Variants in PSMD11 observed in about 807,000 individuals in gnomAD.
PSMD11 encodes the protein proteasome 26S subunit, non-ATPase 11.
In PSMD11, 5 loss-of-function variants were observed where a neutral mutation model predicts 62.3. The observed-to-expected ratio is 0.08, with a 90% CI of 0.04 to 0.17. PSMD11 has a LOEUF of 0.17. Among genes scored for constraint, PSMD11 ranks in the 10% least tolerant of loss-of-function variants. The pLI is 1.00. For synonymous variants in PSMD11, 191 were observed against 191.8 expected, an observed-to-expected ratio of 1.00 and a Z score of 0.03; for missense variants, 310 against 512.9, an observed-to-expected ratio of 0.60 and a Z score of 3.82.
chr17:32,459,115 C>CATATATATAT (rs10595066), intron 3 of PSMD11, among the ~76,000 whole-genome samples: 2,667 of 111,730 alleles, frequency 0.024, 41 homozygotes, highest in South Asian at 0.039. Flanking sequence ...AAAAAAAATA[C>CATATATATAT]ATATATATAT....
At chr17:32,447,541 T>C (rs1169054451) in intron 2 of PSMD11, among the ~76,000 whole-genome samples, 1 of 152,186 alleles carries the variant, frequency 6.6e-6, no homozygotes, top group African/African-American at 2.4e-5. Context: ...GTGCACATCA[T>C]TGCTCAAACA....
intron 3 of PSMD11, 58 bp downstream of exon 3, chr17:32,454,677 A>G (rs1907599564): frequency 3.2e-6 from 5 of 1,573,558 alleles, no homozygotes; most frequent in Non-Finnish European, 4.3e-6. Context: ...TTTCCAAGAA[A>G]GAAATGCCTA....
intron 3 of PSMD11, among the ~76,000 whole-genome samples, chr17:32,457,719 T>A (rs1373902132): frequency 6.6e-6 from 1 of 151,990 alleles, no homozygotes; most frequent in Non-Finnish European, 1.5e-5. Flanking sequence ...AACCTCAACA[T>A]CCAGCCATTT....
chr17:32,447,082 A>G, intron 2 of PSMD11, 36 bp downstream of exon 2: 1 of 1,478,312 alleles, frequency 6.8e-7, no homozygotes, highest in East Asian at 2.4e-5. Context: ...TGAAATGCTC[A>G]GTGAAATTCC....
intron 1 of PSMD11, among the ~76,000 whole-genome samples, chr17:32,446,378 G>C (rs374552503): frequency 6.6e-6 from 1 of 152,214 alleles, no homozygotes; most frequent in South Asian, 2.1e-4. Context: ...GTGTAGCTGT[G>C]CAGGATCTGG....
At chr17:32,459,757 C>G (rs376867194) in intron 3 of PSMD11, among the ~76,000 whole-genome samples, 1 of 152,066 alleles carries the variant, frequency 6.6e-6, no homozygotes, top group East Asian at 1.9e-4. Flanking sequence ...CTTCTGCCTC[C>G]CGGGTTCAAG....
rs528518203 is a variant in PSMD11 at position 32,452,544 on chromosome 17, TCA to T, written c.194-1948_194-1947del. The stretch of plus-strand genomic sequence containing the variant: ...TACAGTTAGAAGACAGAATTAAAAT[TCA>T]CAGTTATTGCCAAAGCCAGGAAGAT... On this transcript the variant is annotated intron_variant, in intron 2 of 13. Coordinates refer to ENST00000261712, the MANE Select transcript of PSMD11 (RefSeq NM_002815.4). Among the ~76,000 whole-genome samples, 221 of 152,324 alleles carry T rather than the reference TCA, an allele frequency of 1.5e-3. 2 individuals carry two copies. The highest frequency in any genetic ancestry group is 5.2e-3 in the African/African-American group (217 of 41,584).
Position 32,447,040 on chromosome 17 carries a change from G to T in PSMD11, c.187G>T (p.Ala63Ser), listed in dbSNP as rs779333737. Residue 63 changes from alanine to serine, a missense_variant, in exon 2 of 14, where the codon GCT becomes TCT. By Grantham distance (99) the Ala-to-Ser change is moderately conservative. This residue lies in a region of PSMD11 where 50 missense variants were observed against 94.4 expected (regional missense o/e 0.53). Transcript: ENST00000261712. ...LGSLLAKTGQ[A>S]AELGGLLKYV... is the part of the protein sequence containing the mutation. ...ATCTCTCCTGGCAAAGACTGGACAA[G>T]CTGCAGGTAAGTGCTACACATGGAT... The T allele has an allele frequency of 6.2e-7, 1 of 1,604,550 alleles. No individual in the cohort carries two copies. Among genetic ancestry groups the T allele is most frequent in the Non-Finnish European group, 8.5e-7 (1 of 1,173,024 alleles).
intron 2 of PSMD11, among the ~76,000 whole-genome samples, chr17:32,449,402 C>T (rs1424643217): frequency 2.6e-5 from 4 of 152,218 alleles, no homozygotes; most frequent in Admixed American, 2.0e-4. Context: ...AAGACCCTGT[C>T]TCAAAAAAAG....
At chr17:32,478,208 G>A (rs151209950) in intron 9 of PSMD11, among the ~76,000 whole-genome samples, 17 of 152,312 alleles carry the variant, frequency 1.1e-4, no homozygotes, top group African/African-American at 2.9e-4. Context: ...TCTCCTTTTA[G>A]TCTGAGTATA....
At position 32,444,566 on chromosome 17, in the gene PSMD11, C is replaced by G; in HGVS notation, c.43C>G (p.Leu15Val). The change falls in exon 1 of 14, where the codon CTA becomes GTA. Residue 15 changes from leucine (L) to valine (V), a missense_variant. By Grantham distance (32) the Leu-to-Val change is conservative. Transcript: ENST00000261712. ...GGTGGAGTTCCAGAGAGCCCAGTCT[C>G]TACTCAGCACCGACCGGGAGGCCTC... ...AVVEFQRAQS[L>V]LSTDREASID... 1 of 1,611,582 alleles carries G rather than the reference C, an allele frequency of 6.2e-7. No homozygotes were observed. The highest frequency in any genetic ancestry group is 8.5e-7 in the Non-Finnish European group (1 of 1,179,242).
At chr17:32,451,963 C>G (rs945100267) in intron 2 of PSMD11, among the ~76,000 whole-genome samples, 6 of 152,156 alleles carry the variant, frequency 3.9e-5, no homozygotes, top group African/African-American at 1.4e-4. Context: ...CTCCTGGGCT[C>G]AAGCAGTCTG....
At chr17:32,463,558 G>C (rs1055822981) in intron 3 of PSMD11, 1 of 159,970 alleles carries the variant, frequency 6.3e-6, no homozygotes, top group Non-Finnish European at 1.4e-5. Context: ...TAGTTGCACT[G>C]CTTAGAATCT....
Position 32,446,997 on chromosome 17 carries a change from G to A in PSMD11, c.144G>A (p.Gln48=). 6.2e-7 allele frequency: 1 copy of A among 1,613,304 alleles called. No individual in the cohort carries two copies. Among genetic ancestry groups the A allele is most frequent in the Non-Finnish European group, 8.5e-7 (1 of 1,179,630 alleles). The change falls in exon 2 of 14, where the codon CAG becomes CAA. Residue 48 remains glutamine (Q), a synonymous_variant. Coordinates refer to ENST00000261712, the MANE Select transcript of PSMD11 (RefSeq NM_002815.4). ...NDEEAVQVKE[Q]SILELGSLLA... ...AAGAGGCAGTGCAAGTCAAAGAGCA[G>A]AGCATCCTGGAACTGGGATCTCTCC...
At chr17:32,460,627 G>A (rs1907800153) in intron 3 of PSMD11, among the ~76,000 whole-genome samples, 1 of 151,982 alleles carries the variant, frequency 6.6e-6, no homozygotes, top group African/African-American at 2.4e-5. Context: ...CAAAAAATTA[G>A]CCAGGTGTGG....
Position 32,469,117 on chromosome 17 carries a change from C to G in PSMD11, c.567C>G (p.Ala189=), listed in dbSNP as rs925021084. The change falls in exon 6 of 14, where the codon GCC becomes GCG. Residue 189 remains alanine, a synonymous_variant. Transcript: ENST00000261712. The stretch of plus-strand genomic sequence containing the variant: ...GCAACCTGCCGAAAGCCCGAGCTGC[C>G]TTAACTTCTGCTCGAACCACAGCAA... The part of the protein sequence containing the change: ...ALSNLPKARA[A]LTSARTTANA... The G allele has an allele frequency of 4.3e-6, 7 of 1,614,036 alleles. No homozygotes were observed. The African/African-American group carries it at 6.7e-5, about 15-fold the overall frequency.
intron 7 of PSMD11, 37 bp from the exon 8 acceptor site, chr17:32,474,727 A>G (rs749862669): frequency 1.3e-6 from 2 of 1,598,564 alleles, no homozygotes; most frequent in East Asian, 4.5e-5. Flanking sequence ...GAAGCATAAC[A>G]TCTGCAGCAA....
rs1431317658 is a variant in PSMD11, at chr17:32,483,292, G to A, written c.*2540G>A. On this transcript the variant is annotated 3_prime_UTR_variant, in exon 14 of 14. Coordinates refer to ENST00000261712, the MANE Select transcript of PSMD11 (RefSeq NM_002815.4). ...TGTGTTGAAATATTTTGGGTATTGG[G>A]TTAAATAAAATATATTATTAAAATT... 1 of 152,206 alleles carries A rather than the reference G, an allele frequency of 6.6e-6. No homozygotes were observed. The allele number at this position is 152,206 out of a possible 1,614,324, so 9.4% of individuals were successfully genotyped here. A position where few individuals can be genotyped will look rare whatever the true frequency, so the allele number is the denominator to read the frequency against.
chr17:32,479,504 T>G, intron 10 of PSMD11, 128 bp downstream of exon 10: 1 of 1,321,846 alleles, frequency 7.6e-7, no homozygotes, highest in South Asian at 1.4e-5. Flanking sequence ...CACCAAGAGC[T>G]TGGGCCTCTG....
Sources: gnomAD v4.1 joint callset for allele counts (sites outside exome capture counted in the v4.1 genomes callset) on GRCh38, gnomAD v4.1.1 for gene constraint, gnomAD v4.1.1 regional missense constraint, MANE v1.5 for transcripts, NCBI Gene and HGNC (gene_info 2026-07-23, HGNC 2026-07-21) for gene names.